The following PHF21A variants were observed in gnomAD, a reference collection of about 807,000 sequenced individuals.
The protein encoded by PHF21A is BHC80a.
A neutral mutation model predicts 82.5 loss-of-function variants in PHF21A; 11 were observed. That is an observed-to-expected ratio of 0.13 (90% CI 0.08 to 0.22). The LOEUF (loss-of-function observed/expected upper bound fraction) is 0.22, where lower values mean the gene tolerates loss of function less well. Ranked by LOEUF, PHF21A falls within the 10% of genes least tolerant of loss-of-function variation. The probability of loss-of-function intolerance (pLI) is 1.00; values close to 1 mark genes in which losing one functional copy is unlikely to be tolerated. For synonymous variants in PHF21A, 297 were observed against 302.8 expected (o/e 0.98, Z 0.20); for missense variants, 579 against 837.8 (o/e 0.69, Z 3.81).
intron 1 of PHF21A, among the ~76,000 whole-genome samples, chr11:46,105,118 CA>C (rs1262012697): frequency 2.0e-5 from 3 of 152,132 alleles, no homozygotes; most frequent in African/African-American, 4.8e-5. Context: ...GAAACTGAGG[CA>C]GAGGCAGAGC....
intron 15 of PHF21A, among the ~76,000 whole-genome samples, chr11:45,938,897 G>A (rs1254671624): frequency 1.3e-5 from 2 of 151,428 alleles, no homozygotes; most frequent in African/African-American, 4.9e-5. Flanking sequence ...GCAGTGGCGC[G>A]ATCTCAGCTC....
At chr11:46,031,465 G>T (rs1462901723) in intron 6 of PHF21A, among the ~76,000 whole-genome samples, 1 of 152,172 alleles carries the variant, frequency 6.6e-6, no homozygotes, top group Non-Finnish European at 1.5e-5. Context: ...AAGGTAATGG[G>T]AGCTGGAGCC....
At chr11:46,091,737 G>A (rs562138908) in intron 2 of PHF21A, among the ~76,000 whole-genome samples, 2 of 152,228 alleles carry the variant, frequency 1.3e-5, no homozygotes, top group South Asian at 4.1e-4. Context: ...TTTAAGAGAT[G>A]AGGGTCTCGT....
chr11:45,941,227 T>A (rs2090284704), intron 15 of PHF21A, among the ~76,000 whole-genome samples: 1 of 152,202 alleles, frequency 6.6e-6, no homozygotes, highest in Non-Finnish European at 1.5e-5. Context: ...GCCTCCCAAG[T>A]AGCTGGGACT....
At chr11:45,938,051 G>T in intron 16 of PHF21A, 106 bp downstream of exon 16, 1 of 973,418 alleles carries the variant, frequency 1.0e-6, no homozygotes, top group South Asian at 1.9e-5. Flanking sequence ...CCCGGAGACG[G>T]ACTGGGAGAG....
chr11:46,107,538 C>T (rs1392417486), intron 1 of PHF21A, among the ~76,000 whole-genome samples: 4 of 152,290 alleles, frequency 2.6e-5, no homozygotes, highest in Middle Eastern at 6.8e-3. Context: ...AGGTCCAATT[C>T]TTAGAATTTT....
chr11:46,062,013 C>T (rs1478852190), intron 6 of PHF21A, among the ~76,000 whole-genome samples: 1 of 152,084 alleles, frequency 6.6e-6, no homozygotes, highest in Non-Finnish European at 1.5e-5. Flanking sequence ...ATTCCAATGA[C>T]TGCTAGCTTT....
intron 4 of PHF21A, 148 bp from the exon 5 acceptor site, chr11:46,079,314 C>T: frequency 3.8e-6 from 2 of 530,118 alleles, no homozygotes; most frequent in Non-Finnish European, 6.9e-6. Context: ...CTTCTGTGAT[C>T]CATGTAATAG....
At chr11:46,037,125 C>T (rs73453956) in intron 6 of PHF21A, among the ~76,000 whole-genome samples, 2,247 of 152,280 alleles carry the variant, frequency 0.015, 49 homozygotes, top group African/African-American at 0.051. Flanking sequence ...CTCAAAGACT[C>T]ATTTTTTGGT....
chr11:46,096,885 C>T (rs1171234754), intron 1 of PHF21A, among the ~76,000 whole-genome samples: 1 of 152,170 alleles, frequency 6.6e-6, no homozygotes, highest in Non-Finnish European at 1.5e-5. Context: ...CAAAACTAAA[C>T]TCCTGACTAC....
chr11:45,950,121 A>G, intron 12 of PHF21A, 85 bp downstream of exon 12: 1 of 1,074,430 alleles, frequency 9.3e-7, no homozygotes, highest in African/African-American at 1.6e-5. Context: ...CCAATTTTCT[A>G]TTCCAGGAAT....
intron 6 of PHF21A, among the ~76,000 whole-genome samples, chr11:46,029,118 T>C (rs1000303737): frequency 1.3e-5 from 2 of 152,230 alleles, no homozygotes; most frequent in Admixed American, 6.5e-5. Context: ...CTAAACCTTG[T>C]GGAAATTAAG....
chr11:46,000,260 G>A (rs1410527997), intron 6 of PHF21A, among the ~76,000 whole-genome samples: 2 of 152,162 alleles, frequency 1.3e-5, no homozygotes, highest in African/African-American at 4.8e-5. Flanking sequence ...TACACTATAT[G>A]CCAAGGAATA....
At chr11:46,032,972 G>A (rs977292966) in intron 6 of PHF21A, among the ~76,000 whole-genome samples, 1 of 152,056 alleles carries the variant, frequency 6.6e-6, no homozygotes, top group African/African-American at 2.4e-5. Flanking sequence ...GAATCCCTAA[G>A]AGCCTCTCTC....
chr11:46,078,152 C>T (rs1327511955), intron 5 of PHF21A, among the ~76,000 whole-genome samples: 2 of 152,102 alleles, frequency 1.3e-5, no homozygotes, highest in South Asian at 2.1e-4. Context: ...AAGTTTCTCA[C>T]GGAAGTAGGA....
Position 45,934,236 on chromosome 11 carries a change from T to C in PHF21A, c.1789-11A>G. 6.2e-7 allele frequency: 1 copy of C among 1,609,428 alleles called. No homozygotes were observed. ...CATTTCCATGCATTTCTGCAGCAAA[T>C]GACAAGGGCAGTGGCACTGAGCCGC... On this transcript the variant is annotated splice_polypyrimidine_tract_variant and intron_variant, in intron 18 of 18. Coordinates refer to ENST00000676320, the MANE Select transcript of PHF21A (RefSeq NM_001352027.3).
intron 1 of PHF21A, among the ~76,000 whole-genome samples, chr11:46,102,025 T>C (rs758714241): frequency 5.9e-5 from 9 of 151,972 alleles, no homozygotes; most frequent in Non-Finnish European, 1.3e-4. Context: ...GCCCAGCTAA[T>C]TTTTGTATTT....
chr11:45,949,538 A>C, intron 12 of PHF21A, 57 bp from the exon 13 acceptor site: 2 of 1,356,570 alleles, frequency 1.5e-6, no homozygotes, highest in Middle Eastern at 1.8e-4. Context: ...TAAAAAACTT[A>C]ACTTCATTGT....
intron 3 of PHF21A, among the ~76,000 whole-genome samples, chr11:46,087,899 G>A (rs1156282527): frequency 2.0e-5 from 3 of 152,072 alleles, no homozygotes; most frequent in Non-Finnish European, 2.9e-5. Context: ...GTGACTACAG[G>A]TGTGCCCCAC....
Sources: gnomAD v4.1 joint callset for allele counts (sites outside exome capture counted in the v4.1 genomes callset) on GRCh38, gnomAD v4.1.1 for gene constraint, MANE v1.5 for transcripts, NCBI Gene and HGNC (gene_info 2026-07-23, HGNC 2026-07-21) for gene names.